LTB4R2: variants seen among roughly 807,000 people sequenced by gnomAD.
LTB4R2 encodes the protein leukotriene B4 receptor 2.
Under a neutral mutation model 5.3 loss-of-function variants are expected in LTB4R2, and 6 were observed. That is an observed-to-expected ratio of 1.14 (90% CI 0.62 to 2.24). LTB4R2 has a LOEUF of 2.24. LTB4R2 is among the 30% of genes most tolerant of loss of function. The probability of loss-of-function intolerance (pLI) is 0.00; values close to 1 mark genes in which losing one functional copy is unlikely to be tolerated. For missense variants in LTB4R2, 560 were observed against 521.5 expected (o/e 1.07, Z -0.72); for synonymous variants, 310 against 264.2 (o/e 1.17, Z -1.68).
chr14:24,311,090 GCT>G lies in LTB4R2; in HGVS notation c.427_428del (p.Leu143GlyfsTer139). ...GCCCGGCCCTGGCCCGCCGCCTGCT[GCT>G]GGCGGTCTGGCTGGCCGCCCTGTTG... ...RSPALARRLL[L>X]AVWLAALLLA... On this transcript the variant is annotated frameshift_variant, in exon 2 of 2. Coordinates refer to ENST00000533293, the MANE Select transcript of LTB4R2 (RefSeq NM_019839.5). LOFTEE classifies it low-confidence loss of function (END_TRUNC). 6.4e-7 allele frequency: 1 copy of G among 1,563,022 alleles called. No homozygotes were observed. The highest frequency in any genetic ancestry group is 1.2e-5 in the South Asian group (1 of 86,676).
intron 1 of LTB4R2, 123 bp from the exon 2 acceptor site, chr14:24,310,532 G>C (rs1411297987): frequency 3.0e-6 from 3 of 995,710 alleles, no homozygotes; most frequent in Non-Finnish European, 4.7e-6. Flanking sequence ...AGGACTCCCA[G>C]GCAGAAAAGA....
rs2139172527 is a variant in LTB4R2, at chr14:24,311,084, C to T, written c.420C>T (p.Arg140=). The change falls in exon 2 of 2, where the codon CGC becomes CGT. Residue 140 remains arginine, a synonymous_variant. Coordinates refer to ENST00000533293, the MANE Select transcript of LTB4R2 (RefSeq NM_019839.5). Reference sequence around the variant, plus strand: ...TGCGCAGCCCGGCCCTGGCCCGCCGCCTGCTGCTGGCGGTCTGGCTGGCCG... The same window carrying T: ...TGCGCAGCCCGGCCCTGGCCCGCCGTCTGCTGCTGGCGGTCTGGCTGGCCG... ...PRLRSPALAR[R]LLLAVWLAAL... is the part of the protein sequence containing the mutation. 6.4e-7 allele frequency: 1 copy of T among 1,562,296 alleles called. No individual in the cohort carries two copies. The highest frequency in any genetic ancestry group is 8.6e-7 in the Non-Finnish European group (1 of 1,162,116).
Position 24,311,566 on chromosome 14 carries a change from C to T in LTB4R2, c.902C>T (p.Pro301Leu). ...TAGDLLPRAGPRFLTRLFEGS... is the reference protein window; with the variant it reads ...TAGDLLPRAGLRFLTRLFEGS... ...GGAGATCTGCTGCCCCGGGCAGGTC[C>T]CCGTTTCCTCACGCGGCTCTTCGAA... The change falls in exon 2 of 2, where the codon CCC becomes CTC. Residue 301 changes from proline to leucine, a missense_variant. Coordinates refer to ENST00000533293, the MANE Select transcript of LTB4R2 (RefSeq NM_019839.5). 1 of 1,609,892 alleles carries T rather than the reference C, an allele frequency of 6.2e-7. No individual in the cohort carries two copies. Among genetic ancestry groups the T allele is most frequent in the African/African-American group, 1.3e-5 (1 of 75,064 alleles).
In LTB4R2 at chr14:24,311,090, G is replaced by C; in HGVS notation, c.426G>C (p.Leu142=). 1 of 1,563,022 alleles carries C rather than the reference G, an allele frequency of 6.4e-7. No individual in the cohort carries two copies. The highest frequency in any genetic ancestry group is 8.6e-7 in the Non-Finnish European group (1 of 1,162,086). The change falls in exon 2 of 2, where the codon CTG becomes CTC. Residue 142 remains leucine, a synonymous_variant. Coordinates refer to ENST00000533293, the MANE Select transcript of LTB4R2 (RefSeq NM_019839.5). ...LRSPALARRL[L]LAVWLAALLL... is the part of the protein sequence containing the mutation. Reference sequence around the variant, plus strand: ...GCCCGGCCCTGGCCCGCCGCCTGCTGCTGGCGGTCTGGCTGGCCGCCCTGT... The same window carrying C: ...GCCCGGCCCTGGCCCGCCGCCTGCTCCTGGCGGTCTGGCTGGCCGCCCTGT...
Position 24,310,397 on chromosome 14 carries a change from G to A in LTB4R2, c.-11+142G>A, listed in dbSNP as rs557123979. ...TGACAGCCTGGGGTGATGACTTTAT[G>A]CCTGTTTACCACTGAGCTCTGGGAA... On this transcript the variant is annotated intron_variant, in intron 1 of 1. Transcript: ENST00000533293. The A allele has an allele frequency of 4.3e-5, 27 of 629,212 alleles. No individual in the cohort carries two copies. In the African/African-American group the frequency reaches 4.8e-4, roughly 11 times the overall value. The allele number at this position is 629,212 out of a possible 1,614,324, so 39.0% of individuals were successfully genotyped here.
rs745380770 is a variant in LTB4R2 at position 24,310,920 on chromosome 14, G to C, written c.256G>C (p.Ala86Pro). ...PLFVAFLTRQAWPLGQAGCKA... is the reference protein window; with the variant it reads ...PLFVAFLTRQPWPLGQAGCKA... ...CTTTGTGGCCTTCCTGACCCGGCAG[G>C]CCTGGCCGCTGGGCCAGGCGGGCTG... Residue 86 changes from alanine (A) to proline (P), a missense_variant, in exon 2 of 2, where the codon GCC becomes CCC. Transcript: ENST00000533293. 2.5e-6 allele frequency: 4 copies of C among 1,589,920 alleles called. No individual in the cohort carries two copies. The East Asian group carries it at 9.1e-5, about 36-fold the overall frequency.
rs1004288668 is a variant in LTB4R2, at chr14:24,310,888, C to T, written c.224C>T (p.Thr75Met). The T allele has an allele frequency of 1.3e-6, 2 of 1,592,778 alleles. No individual in the cohort carries two copies. The highest frequency in any genetic ancestry group is 8.5e-7 in the Non-Finnish European group (1 of 1,176,620). ...ALADGAVLLLTPLFVAFLTRQ... is the reference protein window; with the variant it reads ...ALADGAVLLLMPLFVAFLTRQ... ...GCCGACGGCGCGGTGCTGCTGCTCA[C>T]GCCGCTCTTTGTGGCCTTCCTGACC... Residue 75 changes from threonine (T) to methionine (M), a missense_variant, in exon 2 of 2, where the codon ACG becomes ATG. Coordinates refer to ENST00000533293, the MANE Select transcript of LTB4R2 (RefSeq NM_019839.5).
At chr14:24,310,379 C>A (rs571629370) in intron 1 of LTB4R2, 124 bp downstream of exon 1, 281 of 613,726 alleles carry the variant, frequency 4.6e-4, no homozygotes, top group Middle Eastern at 8.4e-4. Context: ...TAGTGACAGC[C>A]TGGGGTGATG....
In LTB4R2 at chr14:24,311,063, C is replaced by T. The variant is rs989529132; in HGVS notation, c.399C>T (p.Arg133=). The T allele has an allele frequency of 4.5e-6, 7 of 1,562,826 alleles. No individual in the cohort carries two copies. The highest frequency in any genetic ancestry group is 6.0e-6 in the Non-Finnish European group (7 of 1,164,328). Residue 133 remains arginine (R), a synonymous_variant, in exon 2 of 2, where the codon CGC becomes CGT. Transcript: ENST00000533293. ...GCCCCTTCCTGGCGCCTCGGCTGCGCAGCCCGGCCCTGGCCCGCCGCCTGC... is the reference window on the plus strand; with the variant it reads ...GCCCCTTCCTGGCGCCTCGGCTGCGTAGCCCGGCCCTGGCCCGCCGCCTGC... ...VTRPFLAPRL[R]SPALARRLLL...
At position 24,310,999 on chromosome 14, in the gene LTB4R2, C is replaced by CCGGCCTGCT. The variant is rs2041678554; in HGVS notation, c.337_345dup (p.Gly113_Leu115dup). The CCGGCCTGCT allele has an allele frequency of 6.3e-7, 1 of 1,587,820 alleles. No individual in the cohort carries two copies. The highest frequency in any genetic ancestry group is 8.5e-7 in the Non-Finnish European group (1 of 1,175,716). ...AGCATGTACGCCAGCGTGCTGCTCA[C>CCGGCCTGCT]CGGCCTGCTCAGCCTGCAGCGCTGC... On this transcript the variant is annotated inframe_insertion, in exon 2 of 2. Transcript: ENST00000533293.
chr14:24,311,092 T>C lies in LTB4R2; in HGVS notation c.428T>C (p.Leu143Pro). 6.4e-7 allele frequency: 1 copy of C among 1,562,788 alleles called. No individual in the cohort carries two copies. Among genetic ancestry groups the C allele is most frequent in the Non-Finnish European group, 8.6e-7 (1 of 1,161,882 alleles). ...CCGGCCCTGGCCCGCCGCCTGCTGC[T>C]GGCGGTCTGGCTGGCCGCCCTGTTG... ...RSPALARRLL[L>P]AVWLAALLLA... is the part of the protein sequence containing the mutation. The change falls in exon 2 of 2, where the codon CTG becomes CCG. Residue 143 changes from leucine (L) to proline (P), a missense_variant. Physicochemically the swap from Leu to Pro is moderately conservative, Grantham distance 98. Transcript: ENST00000533293.
In LTB4R2 at chr14:24,310,599, G is replaced by A. The variant is rs151291081; in HGVS notation, c.-10-56G>A. 1,296 of 1,506,778 alleles carry A rather than the reference G, an allele frequency of 8.6e-4. 22 individuals carry two copies. In the South Asian group the frequency reaches 0.01, roughly 12 times the overall value. The allele number at this position is 1,506,778 out of a possible 1,614,324, so 93.3% of individuals were successfully genotyped here. The stretch of plus-strand genomic sequence containing the variant: ...GGCACCTTCTCATCGGGCATCACAG[G>A]TGGGGTTTTGCCCCACCCCTGAACG... On this transcript the variant is annotated intron_variant, in intron 1 of 1. Transcript: ENST00000533293.
rs76678850 is a variant in LTB4R2 at position 24,311,160 on chromosome 14, C to G, written c.496C>G (p.Arg166Gly). Residue 166 changes from arginine (R) to glycine (G), a missense_variant, in exon 2 of 2, where the codon CGC (arginine) becomes GGC (glycine). Arg to Gly is a moderately radical substitution (Grantham distance 125, BLOSUM62 -2). Coordinates refer to ENST00000533293, the MANE Select transcript of LTB4R2 (RefSeq NM_019839.5). ...AAVYRHLWRDRVCQLCHPSPV... is the reference protein window; with the variant it reads ...AAVYRHLWRDGVCQLCHPSPV... ...CGTCTACCGCCACCTGTGGAGGGAC[C>G]GCGTATGCCAGCTGTGCCACCCGTC... 2 of 1,603,594 alleles carry G rather than the reference C, an allele frequency of 1.2e-6. No homozygotes were observed. Among genetic ancestry groups the G allele is most frequent in the Non-Finnish European group, 1.7e-6 (2 of 1,176,740 alleles).
At position 24,311,177 on chromosome 14, in the gene LTB4R2, C is replaced by A. The variant is rs765948741; in HGVS notation, c.513C>A (p.Cys171Ter). The A allele has an allele frequency of 3.1e-6, 5 of 1,606,474 alleles. No homozygotes were observed. In the African/African-American group the frequency reaches 5.4e-5, roughly 17 times the overall value. ...HLWRDRVCQL[C>*]HPSPVHAAAH... ...GGAGGGACCGCGTATGCCAGCTGTG[C>A]CACCCGTCGCCGGTCCACGCCGCCG... The change falls in exon 2 of 2, where the codon TGC (cysteine) becomes TGA (stop). Residue 171 changes from cysteine (C) to a stop codon, truncating the protein, a stop_gained. Transcript: ENST00000533293. LOFTEE classifies it low-confidence loss of function (END_TRUNC).
In LTB4R2 at chr14:24,311,906, TGA is replaced by T. The variant is rs946659578; in HGVS notation, c.*167_*168del. 9.4e-6 allele frequency: 6 copies of T among 637,532 alleles called. No homozygotes were observed. The highest frequency in any genetic ancestry group is 7.3e-5 in the African/African-American group (4 of 54,536). The allele number at this position is 637,532 out of a possible 1,614,324, so 39.5% of individuals were successfully genotyped here. A position where few individuals can be genotyped will look rare whatever the true frequency, so the allele number is the denominator to read the frequency against. On this transcript the variant is annotated 3_prime_UTR_variant, in exon 2 of 2. Transcript: ENST00000533293. Reference sequence around the variant, plus strand: ...GGGGCAGGCCCAGGCTCCTCCAAACTGAGGGATTATGAGGGTGGTGATGGTCC... The same window carrying T: ...GGGGCAGGCCCAGGCTCCTCCAAACTGGGATTATGAGGGTGGTGATGGTCC...
rs757818449 is a variant in LTB4R2, at chr14:24,311,309, C to A, written c.645C>A (p.Ser215=). ...LARLRGARWG[S]GRHGARVGRL... The stretch of plus-strand genomic sequence containing the variant: ...GGCTGCGGGGCGCCCGCTGGGGCTC[C>A]GGGCGGCACGGGGCGCGGGTGGGCC... Residue 215 remains serine (S), a synonymous_variant, in exon 2 of 2, where the codon TCC becomes TCA. Coordinates refer to ENST00000533293, the MANE Select transcript of LTB4R2 (RefSeq NM_019839.5). The A allele has an allele frequency of 1.9e-6, 3 of 1,593,538 alleles. No individual in the cohort carries two copies. The highest frequency in any genetic ancestry group is 2.7e-5 in the African/African-American group (2 of 74,424).
Position 24,311,871 on chromosome 14 carries a change from C to T in LTB4R2, c.*130C>T. On this transcript the variant is annotated 3_prime_UTR_variant, in exon 2 of 2. Coordinates refer to ENST00000533293, the MANE Select transcript of LTB4R2 (RefSeq NM_019839.5). ...GTTTGGATCTGGCTGGGTAGGATTACTATACACTTGGGGCAGGCCCAGGCT... is the reference window on the plus strand; with the variant it reads ...GTTTGGATCTGGCTGGGTAGGATTATTATACACTTGGGGCAGGCCCAGGCT... The T allele has an allele frequency of 1.1e-6, 1 of 869,942 alleles. No homozygotes were observed. The highest frequency in any genetic ancestry group is 1.7e-6 in the Non-Finnish European group (1 of 572,172). 53.9% of individuals were successfully genotyped at this position (869,942 alleles called of 1,614,324 possible).
chr14:24,311,982 A>G lies in LTB4R2; in HGVS notation c.*241A>G, dbSNP rs1164459271. 2.4e-5 allele frequency: 12 copies of G among 504,042 alleles called. No individual in the cohort carries two copies. Among genetic ancestry groups the G allele is most frequent in the Non-Finnish European group, 4.3e-5 (12 of 278,814 alleles). The allele number at this position is 504,042 out of a possible 1,614,324, so 31.2% of individuals were successfully genotyped here. On this transcript the variant is annotated 3_prime_UTR_variant, in exon 2 of 2. Coordinates refer to ENST00000533293, the MANE Select transcript of LTB4R2 (RefSeq NM_019839.5). The stretch of plus-strand genomic sequence containing the variant: ...GCAAGTTGGCATGTACCCATGTGCC[A>G]GCATTGCTTACTTGTTGCCAATAGC...
Position 24,311,821 on chromosome 14 carries a change from AT to A in LTB4R2, c.*83del. On this transcript the variant is annotated 3_prime_UTR_variant, in exon 2 of 2. Transcript: ENST00000533293. Reference sequence around the variant, plus strand: ...CCTCCAGAGGTCAGTGTTCTGGGACATTTGGGGACCCTTCTTTGACTAGAGT... The same window carrying A: ...CCTCCAGAGGTCAGTGTTCTGGGACATTGGGGACCCTTCTTTGACTAGAGT... 7.8e-7 allele frequency: 1 copy of A among 1,275,598 alleles called. No individual in the cohort carries two copies. Among genetic ancestry groups the A allele is most frequent in the Non-Finnish European group, 1.1e-6 (1 of 932,694 alleles). 79.0% of individuals were successfully genotyped at this position (1,275,598 alleles called of 1,614,324 possible).
Sources: allele counts gnomAD v4.1 joint callset, GRCh38; gene constraint gnomAD v4.1.1; transcripts MANE v1.5; gene names NCBI Gene and HGNC (gene_info 2026-07-23, HGNC 2026-07-21).